The following KCNQ3 variants were observed in gnomAD, a reference collection of about 807,000 sequenced individuals.
KCNQ3 encodes the protein potassium voltage-gated channel subfamily Q member 3, also known as potassium voltage-gated channel subfamily KQT member 3.
Under a neutral mutation model 92.5 loss-of-function variants are expected in KCNQ3, and 30 were observed. That is an observed-to-expected ratio of 0.32 (90% confidence interval 0.24 to 0.44). KCNQ3 has a LOEUF of 0.44. Among genes scored for constraint, KCNQ3 ranks in the 20% least tolerant of loss-of-function variants. The probability of loss-of-function intolerance (pLI) is 1.00; values close to 1 mark genes in which losing one functional copy is unlikely to be tolerated. For missense variants in KCNQ3, 913 were observed against 1,140.3 expected (o/e 0.80, Z 2.87); for synonymous variants, 450 against 468.8 (o/e 0.96, Z 0.52).
In KCNQ3 at chr8:132,217,501, G is replaced by A. The variant is rs903158589; in HGVS notation, c.387-31320C>T. ...CGAGGTGGGCGGATCATGAGGTCAG[G>A]AGATGGAGACCATCCTGGCTAACAT... On this transcript the variant is annotated intron_variant, in intron 1 of 14. Coordinates refer to ENST00000388996, the MANE Select transcript of KCNQ3 (RefSeq NM_004519.4). 2.0e-5 allele frequency among the ~76,000 whole-genome samples: 3 copies of A among 152,000 alleles called. No homozygotes were observed. The South Asian group carries it at 6.2e-4, about 32-fold the overall frequency.
chr8:132,155,773 AG>A (rs1464253178), intron 9 of KCNQ3, among the ~76,000 whole-genome samples: 13 of 152,210 alleles, frequency 8.5e-5, no homozygotes, highest in African/African-American at 3.1e-4. Flanking sequence ...TCTAGAGATA[AG>A]GGACCTTGGG....
At chr8:132,226,070 G>C (rs1391240042) in intron 1 of KCNQ3, among the ~76,000 whole-genome samples, 1 of 152,102 alleles carries the variant, frequency 6.6e-6, no homozygotes. Flanking sequence ...AGGAGATAGA[G>C]ACCATCCTGG....
At chr8:132,300,299 G>A (rs1586908069) in intron 1 of KCNQ3, among the ~76,000 whole-genome samples, 2 of 152,180 alleles carry the variant, frequency 1.3e-5, no homozygotes, top group South Asian at 2.1e-4. Context: ...TGTGCAGAAT[G>A]TTGGAAGTGT....
At chr8:132,411,549 G>A (rs1820652750) in intron 1 of KCNQ3, among the ~76,000 whole-genome samples, 1 of 152,076 alleles carries the variant, frequency 6.6e-6, no homozygotes, top group Non-Finnish European at 1.5e-5. Flanking sequence ...GGTGAGGGAG[G>A]CTACCAGGAA....
intron 1 of KCNQ3, among the ~76,000 whole-genome samples, chr8:132,434,991 T>C (rs1280985170): frequency 6.6e-6 from 1 of 152,178 alleles, no homozygotes; most frequent in Admixed American, 6.5e-5. Context: ...CTTAAACCTA[T>C]AGCCTACCAT....
intron 10 of KCNQ3, 99 bp from the exon 11 acceptor site, chr8:132,140,277 C>A (rs1418860050): frequency 5.3e-6 from 4 of 756,874 alleles, no homozygotes; most frequent in South Asian, 3.1e-5. Flanking sequence ...CTGGATGTGT[C>A]AATCCCCAGA....
intron 1 of KCNQ3, among the ~76,000 whole-genome samples, chr8:132,431,612 T>C (rs1040238022): frequency 1.2e-4 from 17 of 143,868 alleles, no homozygotes; most frequent in African/African-American, 2.7e-4. Flanking sequence ...TGTAAACATA[T>C]GTATGGGTTG....
At chr8:132,216,606 A>T (rs1320725009) in intron 1 of KCNQ3, among the ~76,000 whole-genome samples, 1 of 152,226 alleles carries the variant, frequency 6.6e-6, no homozygotes, top group Non-Finnish European at 1.5e-5. Flanking sequence ...TTTTGATTGC[A>T]TAGACCCCAG....
intron 1 of KCNQ3, among the ~76,000 whole-genome samples, chr8:132,229,173 G>C (rs1814543071): frequency 6.6e-6 from 1 of 151,696 alleles, no homozygotes; most frequent in Admixed American, 6.6e-5. Flanking sequence ...AGAATCACTT[G>C]AACCCGGGAG....
Position 132,400,500 on chromosome 8 carries a change from T to G in KCNQ3, c.386+79647A>C, listed in dbSNP as rs140690348. ...TGGGATGAGGCTTGTCTATGGCTGA[T>G]CAGCAAGAGCACGGAGCCAGCTCCT... On this transcript the variant is annotated intron_variant, in intron 1 of 14. Coordinates refer to ENST00000388996, the MANE Select transcript of KCNQ3 (RefSeq NM_004519.4). Among the ~76,000 whole-genome samples the G allele has an allele frequency of 2.1e-4, 32 of 152,286 alleles. No homozygotes were observed. In the East Asian group the frequency reaches 5.6e-3, roughly 27 times the overall value.
chr8:132,189,606 C>T (rs544192858), intron 1 of KCNQ3, among the ~76,000 whole-genome samples: 4 of 152,156 alleles, frequency 2.6e-5, no homozygotes, highest in Admixed American at 6.5e-5. Flanking sequence ...GCAGGTGGAT[C>T]GCCTGAGGTC....
intron 9 of KCNQ3, among the ~76,000 whole-genome samples, chr8:132,153,477 C>A (rs1282688608): frequency 6.6e-6 from 1 of 152,094 alleles, no homozygotes; most frequent in East Asian, 1.9e-4. Flanking sequence ...CAATTCCAAG[C>A]TTTGGGTCAA....
intron 1 of KCNQ3, among the ~76,000 whole-genome samples, chr8:132,303,394 C>T (rs1484810663): frequency 2.0e-5 from 3 of 150,672 alleles, no homozygotes; most frequent in Non-Finnish European, 4.4e-5. Flanking sequence ...GCATCCATTA[C>T]ATATTTACCA....
At chr8:132,231,291 A>C (rs1206143910) in intron 1 of KCNQ3, among the ~76,000 whole-genome samples, 1 of 152,218 alleles carries the variant, frequency 6.6e-6, no homozygotes, top group East Asian at 1.9e-4. Context: ...AAGTTGTTAT[A>C]GCAGCCCTGA....
rs542544983 is a variant in KCNQ3, at chr8:132,181,002, A to G, written c.605-673T>C. 3.1e-4 allele frequency among the ~76,000 whole-genome samples: 47 copies of G among 152,218 alleles called. 1 individual carries two copies. The South Asian group carries it at 5.0e-3, about 16-fold the overall frequency. Reference sequence around the variant, plus strand: ...CATCCCTAGCACTGTCAACGCCCCCACACATCTGAGCTACACTGGCCTAGT... The same window carrying G: ...CATCCCTAGCACTGTCAACGCCCCCGCACATCTGAGCTACACTGGCCTAGT... On this transcript the variant is annotated intron_variant, in intron 3 of 14. Coordinates refer to ENST00000388996, the MANE Select transcript of KCNQ3 (RefSeq NM_004519.4).
At chr8:132,234,313 C>T (rs1273668944) in intron 1 of KCNQ3, among the ~76,000 whole-genome samples, 2 of 143,378 alleles carry the variant, frequency 1.4e-5, no homozygotes, top group African/African-American at 5.1e-5. Context: ...AGAGCAAAAA[C>T]TGTGCATAAT....
chr8:132,340,403 C>T (rs551274949), intron 1 of KCNQ3, among the ~76,000 whole-genome samples: 4 of 152,248 alleles, frequency 2.6e-5, no homozygotes, highest in East Asian at 1.9e-4. Flanking sequence ...AAATGTGGCA[C>T]GTATACACCA....
intron 1 of KCNQ3, among the ~76,000 whole-genome samples, chr8:132,412,309 A>G (rs1257844880): frequency 6.6e-6 from 1 of 151,598 alleles, no homozygotes; most frequent in African/African-American, 2.4e-5. Flanking sequence ...ATAAGTCTCT[A>G]TGGGGCTTAG....
chr8:132,202,735 C>A (rs2130263735), intron 1 of KCNQ3, among the ~76,000 whole-genome samples: 1 of 152,242 alleles, frequency 6.6e-6, no homozygotes, highest in East Asian at 1.9e-4. Context: ...TGGCTTTTAC[C>A]ACTTGTATTA....
Sources: allele counts gnomAD v4.1 joint callset (sites outside exome capture counted in the v4.1 genomes callset), GRCh38; gene constraint gnomAD v4.1.1; transcripts MANE v1.5; gene names NCBI Gene and HGNC (gene_info 2026-07-23, HGNC 2026-07-21).